Variants in ANK2 observed in about 807,000 individuals in gnomAD.
ANK2 encodes the protein ankyrin-2.
ANK2 carries 83 observed loss-of-function variants against 360.5 expected under a neutral mutation model. That is an observed-to-expected ratio of 0.23 (90% CI 0.19 to 0.28). The LOEUF is 0.28. ANK2 is among the 10% of genes least tolerant of loss of function. The pLI, the probability that ANK2 is intolerant of heterozygous loss-of-function variation, is 1.00. For missense variants in ANK2, 4,201 were observed against 4,795.7 expected, an observed-to-expected ratio of 0.88 and a Z score of 3.66; for synonymous variants, 1,740 against 1,759.5, an observed-to-expected ratio of 0.99 and a Z score of 0.28.
the ANK2 span, among the ~76,000 whole-genome samples, chr4:112,765,586 TA>T: frequency 6.6e-6 from 1 of 152,116 alleles, no homozygotes; most frequent in Non-Finnish European, 1.5e-5. Context: ...CTAAGTTCAT[TA>T]AAACCCTTGC....
chr4:113,094,697 C>T (rs746424714), intron 1 of ANK2, among the ~76,000 whole-genome samples: 1 of 152,056 alleles, frequency 6.6e-6, no homozygotes, highest in Non-Finnish European at 1.5e-5. Context: ...ATGTATAAAC[C>T]ATAAAGCCAT....
At chr4:113,028,070 C>T (rs1438961916) in intron 2 of ANK2, among the ~76,000 whole-genome samples, 1 of 151,980 alleles carries the variant, frequency 6.6e-6, no homozygotes, top group Non-Finnish European at 1.5e-5. Context: ...ATTTATTTAA[C>T]ACACACTGTG....
intron 1 of ANK2, among the ~76,000 whole-genome samples, chr4:112,829,869 G>GTC: frequency 6.6e-6 from 1 of 152,266 alleles, no homozygotes; most frequent in African/African-American, 2.4e-5. Context: ...TGAGGCGGGA[G>GTC]AATGGCGTGA....
At chr4:113,285,905 C>T (rs953637939) in intron 18 of ANK2, among the ~76,000 whole-genome samples, 14 of 152,164 alleles carry the variant, frequency 9.2e-5, no homozygotes, top group African/African-American at 3.1e-4. Flanking sequence ...ACTGTAATAA[C>T]GGCTATGGGA....
chr4:112,719,115 T>C, the ANK2 span, among the ~76,000 whole-genome samples: 1 of 152,220 alleles, frequency 6.6e-6, no homozygotes, highest in Admixed American at 6.6e-5. Context: ...ACATGTATTA[T>C]TTCATCCTCC....
intron 2 of ANK2, among the ~76,000 whole-genome samples, chr4:112,941,297 A>C (rs191950874): frequency 6.8e-6 from 1 of 147,536 alleles, no homozygotes; most frequent in Non-Finnish European, 1.5e-5. Flanking sequence ...ATAAAGATAT[A>C]TAAATTTATG....
chr4:113,188,657 C>G (rs2098594516), intron 2 of ANK2, among the ~76,000 whole-genome samples: 1 of 152,134 alleles, frequency 6.6e-6, no homozygotes, highest in Admixed American at 6.5e-5. Context: ...TAATGTGTTT[C>G]AGATTGGCAC....
At chr4:113,275,973 G>T (rs937869206) in intron 15 of ANK2, among the ~76,000 whole-genome samples, 2 of 127,962 alleles carry the variant, frequency 1.6e-5, no homozygotes, top group Non-Finnish European at 3.1e-5. Context: ...ACGGAGTCTC[G>T]CTCTGTCGCC....
chr4:112,863,427 G>C (rs1015119088), intron 1 of ANK2, among the ~76,000 whole-genome samples: 1 of 149,776 alleles, frequency 6.7e-6, no homozygotes, highest in Non-Finnish European at 1.5e-5. Context: ...TCAAAGATTA[G>C]ATTTCAGCAT....
intron 2 of ANK2, among the ~76,000 whole-genome samples, chr4:113,043,184 G>C (rs2063392159): frequency 6.6e-6 from 1 of 152,104 alleles, no homozygotes; most frequent in African/African-American, 2.4e-5. Context: ...TGCTGATGCT[G>C]ATGGTGTAAC....
intron 24 of ANK2, chr4:113,317,377 T>C: frequency 2.7e-6 from 1 of 376,674 alleles, no homozygotes; most frequent in South Asian, 2.4e-5. Context: ...CTGGAATTAT[T>C]TCCTGAGTGA....
chr4:113,168,028 C>A (rs532087500), intron 1 of ANK2, among the ~76,000 whole-genome samples: 1 of 152,216 alleles, frequency 6.6e-6, no homozygotes, highest in East Asian at 1.9e-4. Flanking sequence ...CTTGACACAA[C>A]CTTGCAAAAT....
intron 1 of ANK2, chr4:112,826,578 G>A: frequency 7.0e-7 from 1 of 1,432,170 alleles, no homozygotes; most frequent in Admixed American, 2.2e-5. Flanking sequence ...ACAACCAGCT[G>A]GGATTCCACA....
the ANK2 span, among the ~76,000 whole-genome samples, chr4:112,723,817 A>C: frequency 2.0e-5 from 3 of 152,190 alleles, no homozygotes; most frequent in African/African-American, 7.2e-5. Flanking sequence ...GAACAAACAA[A>C]TATGGTTCTT....
At position 113,379,401 on chromosome 4, in the gene ANK2, C is replaced by A. The variant is rs17045986; in HGVS notation, c.11860-2056C>A. Among the ~76,000 whole-genome samples, 952 of 152,254 alleles carry A rather than the reference C, an allele frequency of 6.3e-3. 15 individuals carry two copies. The highest frequency in any genetic ancestry group is 0.022 in the African/African-American group (905 of 41,554). ...TTATGGAAGCTAGTTAGTTACAGAA[C>A]TCTATTTATGATGTACAACATTTAT... is the stretch of plus-strand genomic sequence containing the variant. On this transcript the variant is annotated intron_variant, in intron 45 of 45. Transcript: ENST00000357077.
Position 112,980,122 on chromosome 4 carries a change from ACT to A in ANK2, c.21+75610_21+75611del, listed in dbSNP as rs139081302. 8.9e-3 allele frequency: 1,349 copies of A among 151,820 alleles called. 23 individuals carry two copies. The highest frequency in any genetic ancestry group is 0.031 in the African/African-American group (1,291 of 41,350). The allele number at this position is 151,820 out of a possible 1,614,324, so 9.4% of individuals were successfully genotyped here. ...GCCACTCCCCTGGCCCCTCTTCCACACTCGTCAGTGCCCAAAGTCCAAAGGGG... is the reference window on the plus strand; with the variant it reads ...GCCACTCCCCTGGCCCCTCTTCCACACGTCAGTGCCCAAAGTCCAAAGGGG... On this transcript the variant is annotated intron_variant, in intron 2 of 30. Transcript: ENST00000503271.
intron 1 of ANK2, among the ~76,000 whole-genome samples, chr4:112,863,744 G>T (rs769149813): frequency 6.6e-6 from 1 of 151,670 alleles, no homozygotes; most frequent in Non-Finnish European, 1.5e-5. Context: ...GGATAGTCTC[G>T]ATCTCCTGAC....
At chr4:112,708,823 C>T in the ANK2 span, among the ~76,000 whole-genome samples, 7 of 151,988 alleles carry the variant, frequency 4.6e-5, no homozygotes, top group African/African-American at 1.2e-4. Flanking sequence ...GGATTGAATT[C>T]GTTTGCATTT....
chr4:112,929,525 T>G (rs1003469175), intron 2 of ANK2, among the ~76,000 whole-genome samples: 1 of 152,248 alleles, frequency 6.6e-6, no homozygotes, highest in Admixed American at 6.5e-5. Flanking sequence ...TTCATTGTGT[T>G]ATTGTGTTCA....
Sources: allele counts gnomAD v4.1 joint callset (sites outside exome capture counted in the v4.1 genomes callset), GRCh38; gene constraint gnomAD v4.1.1; transcripts MANE v1.5; gene names NCBI Gene and HGNC (gene_info 2026-07-23, HGNC 2026-07-21).